The following CMTM7 variants were observed in gnomAD, a reference collection of about 807,000 sequenced individuals.
CMTM7 encodes CKLF like MARVEL transmembrane domain containing 7, also known as CKLF-like MARVEL transmembrane domain-containing protein 7.
CMTM7 carries 7 observed loss-of-function variants against 19.3 expected under a neutral mutation model. The ratio of observed to expected loss-of-function variants is 0.36; its 90% CI spans 0.21 to 0.68. The LOEUF (loss-of-function observed/expected upper bound fraction) is 0.68, where lower values mean the gene tolerates loss of function less well. CMTM7 is among the 30% of genes least tolerant of loss of function. CMTM7 has a pLI of 0.60. For missense variants in CMTM7, 193 were observed against 232.6 expected, an observed-to-expected ratio of 0.83 and a Z score of 1.11; for synonymous variants, 87 against 99.3, an observed-to-expected ratio of 0.88 and a Z score of 0.74.
chr3:32,454,372 GAAAGGCC>G lies in CMTM7; in HGVS notation c.*119_*125del. On this transcript the variant is annotated 3_prime_UTR_variant, in exon 5 of 5. Transcript: ENST00000334983. ...GTCCTGTCAGGCTGGTGGGCACCAGGAAAGGCCTGCACCCTCTTCCTGCTCTCCCAGG... is the reference window on the plus strand; with the variant it reads ...GTCCTGTCAGGCTGGTGGGCACCAGGTGCACCCTCTTCCTGCTCTCCCAGG... The G allele has an allele frequency of 8.0e-7, 1 of 1,249,954 alleles. No individual in the cohort carries two copies. Among genetic ancestry groups the G allele is most frequent in the Non-Finnish European group, 1.2e-6 (1 of 863,306 alleles). 77.4% of individuals were successfully genotyped at this position (1,249,954 alleles called of 1,614,324 possible).
intron 1 of CMTM7, among the ~76,000 whole-genome samples, chr3:32,421,451 G>A (rs1696341736): frequency 6.6e-6 from 1 of 152,122 alleles, no homozygotes; most frequent in Non-Finnish European, 1.5e-5. Flanking sequence ...CTGTGGCTGT[G>A]TTCCCACTGC....
At chr3:32,441,694 C>T (rs186566031) in intron 1 of CMTM7, 146 bp from the exon 2 acceptor site, 247 of 678,158 alleles carry the variant, frequency 3.6e-4, no homozygotes, top group East Asian at 2.9e-3. Flanking sequence ...ACCTTCCAGC[C>T]AGTGTGTATG....
chr3:32,403,858 T>C (rs1056750206), intron 1 of CMTM7, among the ~76,000 whole-genome samples: 3 of 152,190 alleles, frequency 2.0e-5, no homozygotes, highest in Non-Finnish European at 2.9e-5. Flanking sequence ...AAGGAGGTGC[T>C]ATGAGACATA....
intron 1 of CMTM7, among the ~76,000 whole-genome samples, chr3:32,430,938 A>T (rs1696509162): frequency 6.6e-6 from 1 of 152,352 alleles, no homozygotes; most frequent in East Asian, 1.9e-4. Context: ...AAAAGGATAT[A>T]AAATTGCATT....
chr3:32,429,993 C>G (rs1188238292), intron 1 of CMTM7, among the ~76,000 whole-genome samples: 1 of 152,180 alleles, frequency 6.6e-6, no homozygotes, highest in Admixed American at 6.5e-5. Flanking sequence ...TACCTGTCAC[C>G]CGACTACAAC....
intron 1 of CMTM7, among the ~76,000 whole-genome samples, chr3:32,394,488 C>T (rs1008853093): frequency 6.6e-6 from 1 of 152,140 alleles, no homozygotes; most frequent in South Asian, 2.1e-4. Flanking sequence ...AAAGGCTGTT[C>T]CACTGGAGAA....
chr3:32,405,941 C>T (rs745966969), intron 1 of CMTM7, among the ~76,000 whole-genome samples: 4 of 152,156 alleles, frequency 2.6e-5, no homozygotes, highest in East Asian at 1.9e-4. Context: ...AACGTTTACA[C>T]GATCAAGATT....
rs1282002943 is a variant in CMTM7 at position 32,454,902 on chromosome 3, A to G, written c.*648A>G. Reference sequence around the variant, plus strand: ...TAAAACCTGGCCTGAAACAGTTTCCATTCGAGCTTGTGTCTGGCCCATGGC... The same window carrying G: ...TAAAACCTGGCCTGAAACAGTTTCCGTTCGAGCTTGTGTCTGGCCCATGGC... On this transcript the variant is annotated 3_prime_UTR_variant, in exon 5 of 5. Transcript: ENST00000334983. 1 of 191,996 alleles carries G rather than the reference A, an allele frequency of 5.2e-6. No homozygotes were observed. The highest frequency in any genetic ancestry group is 1.4e-4 in the East Asian group (1 of 7,072). 11.9% of individuals were successfully genotyped at this position (191,996 alleles called of 1,614,324 possible). A position where few individuals can be genotyped will look rare whatever the true frequency, so the allele number is the denominator to read the frequency against.
intron 1 of CMTM7, among the ~76,000 whole-genome samples, chr3:32,393,596 A>G (rs1404442863): frequency 6.6e-6 from 1 of 151,926 alleles, no homozygotes; most frequent in East Asian, 1.9e-4. Context: ...TGGAGATGAA[A>G]CCTCGGCAAC....
intron 1 of CMTM7, among the ~76,000 whole-genome samples, chr3:32,402,310 C>A (rs149267488): frequency 9.9e-5 from 15 of 152,236 alleles, no homozygotes; most frequent in Non-Finnish European, 2.1e-4. Context: ...CGGGGTTTCT[C>A]CATGTTGGCC....
At chr3:32,438,886 G>A (rs1243476016) in intron 1 of CMTM7, among the ~76,000 whole-genome samples, 1 of 152,214 alleles carries the variant, frequency 6.6e-6, no homozygotes, top group Non-Finnish European at 1.5e-5. Flanking sequence ...CTTCAACGAC[G>A]AGTTGGAAAA....
At chr3:32,444,666 C>T (rs982271098) in intron 2 of CMTM7, among the ~76,000 whole-genome samples, 1 of 152,168 alleles carries the variant, frequency 6.6e-6, no homozygotes, top group East Asian at 1.9e-4. Context: ...ATTGTCTTAT[C>T]CATGAACATG....
At chr3:32,422,513 C>G (rs1416440099) in intron 1 of CMTM7, among the ~76,000 whole-genome samples, 1 of 152,236 alleles carries the variant, frequency 6.6e-6, no homozygotes, top group African/African-American at 2.4e-5. Context: ...AGTGCCGTCT[C>G]GTAGCCCTAA....
chr3:32,443,875 C>G (rs997280065), intron 2 of CMTM7, among the ~76,000 whole-genome samples: 1 of 152,142 alleles, frequency 6.6e-6, no homozygotes, highest in Non-Finnish European at 1.5e-5. Flanking sequence ...GAAGAAATGT[C>G]TATTCGAGTC....
chr3:32,410,910 G>A (rs1696164351), intron 1 of CMTM7, among the ~76,000 whole-genome samples: 2 of 152,232 alleles, frequency 1.3e-5, no homozygotes, highest in Admixed American at 1.3e-4. Flanking sequence ...AGGAAACACT[G>A]AATAGTGGGA....
intron 1 of CMTM7, among the ~76,000 whole-genome samples, chr3:32,431,991 A>G (rs989815745): frequency 6.6e-6 from 1 of 152,166 alleles, no homozygotes; most frequent in Admixed American, 6.5e-5. Flanking sequence ...GGGGGTGGGT[A>G]CAAGCTCAAA....
intron 2 of CMTM7, among the ~76,000 whole-genome samples, chr3:32,446,812 G>A: frequency 6.6e-6 from 1 of 152,140 alleles, no homozygotes; most frequent in Non-Finnish European, 1.5e-5. Context: ...GCTGTGTGAT[G>A]CCTGCTCACC....
In CMTM7 at chr3:32,454,546, C is replaced by G. The variant is rs554750230; in HGVS notation, c.*292C>G. ...CCTGCTTCTAGAACCACCTCAGGTA[C>G]TGATGAACCCCACTTAGCACAGCTG... On this transcript the variant is annotated 3_prime_UTR_variant, in exon 5 of 5. Coordinates refer to ENST00000334983, the MANE Select transcript of CMTM7 (RefSeq NM_138410.4). The G allele has an allele frequency of 6.2e-5, 40 of 643,422 alleles. 1 individual carries two copies. The highest frequency in any genetic ancestry group is 6.0e-4 in the South Asian group (39 of 64,846). The allele number at this position is 643,422 out of a possible 1,614,324, so 39.9% of individuals were successfully genotyped here. A position where few individuals can be genotyped will look rare whatever the true frequency, so the allele number is the denominator to read the frequency against.
chr3:32,430,482 A>G (rs1170615413), intron 1 of CMTM7, among the ~76,000 whole-genome samples: 1 of 152,120 alleles, frequency 6.6e-6, no homozygotes, highest in Non-Finnish European at 1.5e-5. Context: ...TCAGTTCTAC[A>G]TGACTTATTG....
Sources: gnomAD v4.1 joint callset for allele counts (sites outside exome capture counted in the v4.1 genomes callset) on GRCh38, gnomAD v4.1.1 for gene constraint, MANE v1.5 for transcripts, NCBI Gene and HGNC (gene_info 2026-07-23, HGNC 2026-07-21) for gene names.